NOS2: variants seen among roughly 807,000 people sequenced by gnomAD.
NOS2 encodes the protein nitric oxide synthase, inducible.
A neutral mutation model predicts 136.0 loss-of-function variants in NOS2; 96 were observed. The ratio of observed to expected loss-of-function variants is 0.71; its 90% confidence interval spans 0.60 to 0.84. The LOEUF (loss-of-function observed/expected upper bound fraction) is 0.84. NOS2 is among the 40% of genes least tolerant of loss of function. The pLI, the probability that NOS2 is intolerant of heterozygous loss-of-function variation, is 0.00. For missense variants in NOS2, 1,237 were observed against 1,496.9 expected (o/e 0.83, Z 2.87); for synonymous variants, 539 against 587.5 (o/e 0.92, Z 1.20).
chr17:27,768,396 C>G (rs368234306), intron 17 of NOS2, among the ~76,000 whole-genome samples: 1 of 152,146 alleles, frequency 6.6e-6, no homozygotes, highest in East Asian at 1.9e-4. Context: ...TCCTCATGCC[C>G]ACACTGGAAG....
At position 27,771,047 on chromosome 17, in the gene NOS2, T is replaced by C. The variant is rs1397816791; in HGVS notation, c.1705-30A>G. ...ATGGCACCCAAGTGGACATCAGCCC[T>C]CGGCTCCCAGTAGGGCCCTCCCTAC... On this transcript the variant is annotated intron_variant, in intron 14 of 26. Transcript: ENST00000313735. The C allele has an allele frequency of 1.9e-6, 3 of 1,564,846 alleles. No homozygotes were observed. The Admixed American group carries it at 5.1e-5, about 26-fold the overall frequency.
At chr17:27,795,809 G>A (rs551418985) in intron 2 of NOS2, among the ~76,000 whole-genome samples, 28 of 152,062 alleles carry the variant, frequency 1.8e-4, no homozygotes, top group African/African-American at 5.5e-4. Context: ...GATCCTTTCC[G>A]CCAGCCCACC....
At chr17:27,776,765 G>A (rs1908672996) in intron 11 of NOS2, among the ~76,000 whole-genome samples, 1 of 151,812 alleles carries the variant, frequency 6.6e-6, no homozygotes, top group East Asian at 1.9e-4. Context: ...CTTACTGAGT[G>A]TTGTCTATGG....
chr17:27,781,990 G>A, intron 7 of NOS2, 25 bp downstream of exon 7: 1 of 1,604,912 alleles, frequency 6.2e-7, no homozygotes, highest in Non-Finnish European at 8.5e-7. Flanking sequence ...AAGCCCCTCT[G>A]CAGCCCTGGG....
Position 27,776,883 on chromosome 17 carries a change from C to T in NOS2, c.1281+1807G>A, listed in dbSNP as rs557191798. On this transcript the variant is annotated intron_variant, in intron 11 of 26. Transcript: ENST00000313735. The stretch of plus-strand genomic sequence containing the variant: ...ATTTTACAGAGGAGGAAACAAGGGC[C>T]CATCTTTTGAAGTTTACCCTGAAGG... Among the ~76,000 whole-genome samples the T allele has an allele frequency of 2.6e-5, 4 of 152,178 alleles. No homozygotes were observed. The South Asian group carries it at 8.3e-4, about 32-fold the overall frequency.
Position 27,760,819 on chromosome 17 carries a change from C to CT in NOS2, c.2889-76dup. 4 of 1,494,286 alleles carry CT rather than the reference C, an allele frequency of 2.7e-6. No individual in the cohort carries two copies. In the Admixed American group the frequency reaches 6.7e-5, roughly 25 times the overall value. The allele number at this position is 1,494,286 out of a possible 1,614,324, so 92.6% of individuals were successfully genotyped here. On this transcript the variant is annotated intron_variant, in intron 23 of 26. Transcript: ENST00000313735. Reference sequence around the variant, plus strand: ...ACGCACACACAGGATGGCTGGGGAGCTGGGCCTGTGGGAGGCGGTCGTGAG... The same window carrying CT: ...ACGCACACACAGGATGGCTGGGGAGCTTGGGCCTGTGGGAGGCGGTCGTGAG...
intron 2 of NOS2, among the ~76,000 whole-genome samples, chr17:27,792,125 A>T (rs1372687090): frequency 6.6e-6 from 1 of 152,230 alleles, no homozygotes; most frequent in Non-Finnish European, 1.5e-5. Flanking sequence ...AAAAAGTATC[A>T]CTTTTAAAAG....
At chr17:27,764,219 G>C in intron 20 of NOS2, 75 bp from the exon 21 acceptor site, 1 of 879,174 alleles carries the variant, frequency 1.1e-6, no homozygotes, top group Non-Finnish European at 1.6e-6. Flanking sequence ...GAGGCCCCCA[G>C]GCAGACACCC....
chr17:27,772,813 C>A (rs1057004891), intron 13 of NOS2, among the ~76,000 whole-genome samples: 3 of 152,036 alleles, frequency 2.0e-5, no homozygotes, highest in African/African-American at 4.8e-5. Flanking sequence ...GCAGGAAGAT[C>A]GCTTGAGCCC....
Position 27,757,174 on chromosome 17 carries a change from G to A in NOS2, c.*72C>T, listed in dbSNP as rs908010365. 9 of 1,217,666 alleles carry A rather than the reference G, an allele frequency of 7.4e-6. No homozygotes were observed. The African/African-American group carries it at 1.4e-4, about 18-fold the overall frequency. 75.4% of individuals were successfully genotyped at this position (1,217,666 alleles called of 1,614,324 possible). A position where few individuals can be genotyped will look rare whatever the true frequency, so the allele number is the denominator to read the frequency against. ...TTTCCTCCATCTCCCCAGGCCCTGTGACCTCAGATAATGCAGAGCTGGCTC... is the reference window on the plus strand; with the variant it reads ...TTTCCTCCATCTCCCCAGGCCCTGTAACCTCAGATAATGCAGAGCTGGCTC... On this transcript the variant is annotated 3_prime_UTR_variant, in exon 27 of 27. Transcript: ENST00000313735.
At chr17:27,766,387 G>T in intron 19 of NOS2, 123 bp downstream of exon 19, 2 of 886,908 alleles carry the variant, frequency 2.3e-6, no homozygotes, top group Non-Finnish European at 3.7e-6. Flanking sequence ...TACCGACAGT[G>T]TGGCTGCTAA....
chr17:27,783,937 C>T (rs931237484), intron 5 of NOS2, among the ~76,000 whole-genome samples: 1 of 152,210 alleles, frequency 6.6e-6, no homozygotes, highest in African/African-American at 2.4e-5. Flanking sequence ...GCTATCGGAG[C>T]TCAGTCTGCA....
rs181923276 is a variant in NOS2 at position 27,774,047 on chromosome 17, C to T, written c.1476+210G>A. On this transcript the variant is annotated intron_variant, in intron 12 of 26. Transcript: ENST00000313735. ...CCCCATCTGAGCCACAGGCCACTAG[C>T]GGTGCAGTGGAAGCCACTTCCTTCA... 5.4e-3 allele frequency among the ~76,000 whole-genome samples: 824 copies of T among 152,288 alleles called. 3 individuals carry two copies. The highest frequency in any genetic ancestry group is 8.6e-3 in the Non-Finnish European group (583 of 68,018).
At chr17:27,774,182 T>C in intron 12 of NOS2, 75 bp downstream of exon 12, 1 of 1,136,088 alleles carries the variant, frequency 8.8e-7, no homozygotes. Context: ...TGTGTAACAA[T>C]GAGGTGCACA....
chr17:27,784,241 A>C (rs1026929530), intron 5 of NOS2, among the ~76,000 whole-genome samples: 2 of 152,182 alleles, frequency 1.3e-5, no homozygotes, highest in Non-Finnish European at 2.9e-5. Context: ...AAACTATTTA[A>C]AGAATGAACT....
intron 7 of NOS2, 44 bp downstream of exon 7, chr17:27,781,971 A>G (rs1235970312): frequency 5.2e-6 from 8 of 1,553,094 alleles, no homozygotes; most frequent in South Asian, 4.5e-5. Flanking sequence ...TAAGATTCTC[A>G]GGCAAGGCAA....
chr17:27,763,141 T>A lies in NOS2; in HGVS notation c.2593-136A>T, dbSNP rs28944187. Reference sequence around the variant, plus strand: ...ATGTGCCAGGCACTGTCCATGGTGCTGAGACGACCAAACTTGAGACAAAAT... The same window carrying A: ...ATGTGCCAGGCACTGTCCATGGTGCAGAGACGACCAAACTTGAGACAAAAT... On this transcript the variant is annotated intron_variant, in intron 21 of 26. Coordinates refer to ENST00000313735, the MANE Select transcript of NOS2 (RefSeq NM_000625.4). 1,322 of 619,808 alleles carry A rather than the reference T, an allele frequency of 2.1e-3. 2 individuals are homozygous for A. Among genetic ancestry groups the A allele is most frequent in the Non-Finnish European group, 3.2e-3 (1,161 of 361,828 alleles). The allele number at this position is 619,808 out of a possible 1,614,324, so 38.4% of individuals were successfully genotyped here.
At chr17:27,781,533 C>A (rs1429545118) in intron 7 of NOS2, among the ~76,000 whole-genome samples, 1 of 152,280 alleles carries the variant, frequency 6.6e-6, no homozygotes, top group South Asian at 2.1e-4. Context: ...CCTCCTACCC[C>A]CCCATACCCC....
chr17:27,779,875 C>T (rs1027900576), intron 9 of NOS2, among the ~76,000 whole-genome samples: 1 of 152,208 alleles, frequency 6.6e-6, no homozygotes, highest in Admixed American at 6.5e-5. Flanking sequence ...ATATCATTCA[C>T]TTGTATATTC....
Sources: allele counts gnomAD v4.1 joint callset (sites outside exome capture counted in the v4.1 genomes callset), GRCh38; gene constraint gnomAD v4.1.1; transcripts MANE v1.5; gene names NCBI Gene and HGNC (gene_info 2026-07-23, HGNC 2026-07-21).